The following COL11A1 variants were observed in gnomAD, a reference collection of about 807,000 sequenced individuals.
COL11A1 encodes collagen type XI alpha 1 chain, also known as collagen alpha-1(XI) chain.
In COL11A1, 74 loss-of-function variants were observed where a neutral mutation model predicts 265.2. That is an observed-to-expected ratio of 0.28 (90% CI 0.23 to 0.34). COL11A1 has a LOEUF of 0.34. COL11A1 is among the 10% of genes least tolerant of loss of function. COL11A1 has a pLI of 1.00. For missense variants in COL11A1, 2,165 were observed against 2,263.6 expected (o/e 0.96, Z 0.88); for synonymous variants, 816 against 727.6 (o/e 1.12, Z -1.96).
intron 4 of COL11A1, among the ~76,000 whole-genome samples, chr1:103,033,201 T>G (rs1449420159): frequency 6.6e-6 from 1 of 152,104 alleles, no homozygotes; most frequent in African/African-American, 2.4e-5. Flanking sequence ...AACATTCCCT[T>G]TTATGGACAT....
At chr1:103,038,646 G>A (rs981535958) in intron 4 of COL11A1, among the ~76,000 whole-genome samples, 1 of 152,106 alleles carries the variant, frequency 6.6e-6, no homozygotes, top group Non-Finnish European at 1.5e-5. Flanking sequence ...GATGTCATTT[G>A]AGTGTCATTT....
chr1:102,883,184 C>G lies in COL11A1; in HGVS notation c.4971+15G>C, dbSNP rs1285504428. ...GAACTGTCAACATTCACCACCAAAA[C>G]AGATTGGTACTTACTCCCTCAGATT... On this transcript the variant is annotated intron_variant, in intron 64 of 66. Transcript: ENST00000370096. 1 of 1,535,042 alleles carries G rather than the reference C, an allele frequency of 6.5e-7. No homozygotes were observed. The highest frequency in any genetic ancestry group is 9.0e-7 in the Non-Finnish European group (1 of 1,108,352).
At chr1:102,971,760 T>G (rs1189583598) in intron 36 of COL11A1, among the ~76,000 whole-genome samples, 1 of 152,120 alleles carries the variant, frequency 6.6e-6, no homozygotes, top group Non-Finnish European at 1.5e-5. Context: ...CTGGGTGCCC[T>G]GTAAATTAAC....
chr1:103,002,629 G>A (rs1014253930), intron 22 of COL11A1, 118 bp downstream of exon 22: 18 of 1,112,768 alleles, frequency 1.6e-5, no homozygotes, highest in Non-Finnish European at 1.9e-5. Flanking sequence ...AATGCAAGCT[G>A]TATCTAATAT....
Position 102,961,792 on chromosome 1 carries a change from AG to A in COL11A1, c.3168+73del, listed in dbSNP as rs1167004134. ...TCTCTCCCACACACTGTGGAATCAC[AG>A]CATGAGAGTAATGAAAGAAGAGCTG... On this transcript the variant is annotated intron_variant, in intron 41 of 66. Coordinates refer to ENST00000370096, the MANE Select transcript of COL11A1 (RefSeq NM_001854.4). The A allele has an allele frequency of 6.6e-6, 9 of 1,354,852 alleles. No homozygotes were observed. The African/African-American group carries it at 7.1e-5, about 11-fold the overall frequency. 83.9% of individuals were successfully genotyped at this position (1,354,852 alleles called of 1,614,324 possible).
intron 49 of COL11A1, 31 bp downstream of exon 49, chr1:102,920,279 TG>T (rs1356698438): frequency 1.3e-6 from 2 of 1,589,408 alleles, no homozygotes; most frequent in Admixed American, 3.3e-5. Flanking sequence ...TAATTCATGC[TG>T]TTTCAAACTG....
At chr1:102,964,008 T>C (rs1661166199) in intron 38 of COL11A1, among the ~76,000 whole-genome samples, 1 of 152,188 alleles carries the variant, frequency 6.6e-6, no homozygotes, top group Non-Finnish European at 1.5e-5. Context: ...TGGTTTTTTT[T>C]CTCTTAAAAA....
chr1:102,938,810 A>T (rs1398452069), intron 44 of COL11A1, among the ~76,000 whole-genome samples: 1 of 152,172 alleles, frequency 6.6e-6, no homozygotes, highest in Non-Finnish European at 1.5e-5. Flanking sequence ...GCTATAGCAG[A>T]GTTATAAATA....
chr1:102,990,851 G>A (rs1186541838), intron 28 of COL11A1, among the ~76,000 whole-genome samples: 1 of 151,934 alleles, frequency 6.6e-6, no homozygotes, highest in Non-Finnish European at 1.5e-5. Context: ...TGGCCAACAT[G>A]GTGAAACCCT....
At chr1:102,946,283 T>A (rs1321367487) in intron 42 of COL11A1, among the ~76,000 whole-genome samples, 4 of 150,908 alleles carry the variant, frequency 2.7e-5, no homozygotes, top group African/African-American at 9.8e-5. Flanking sequence ...CATATGTAAC[T>A]AACCTGCACA....
intron 46 of COL11A1, among the ~76,000 whole-genome samples, chr1:102,927,869 T>C (rs1557831528): frequency 6.6e-6 from 1 of 152,182 alleles, no homozygotes; most frequent in African/African-American, 2.4e-5. Flanking sequence ...TTGTTTAACA[T>C]GTGCTGTTGG....
intron 14 of COL11A1, among the ~76,000 whole-genome samples, chr1:103,010,989 C>T (rs1034705482): frequency 2.0e-5 from 3 of 152,084 alleles, no homozygotes; most frequent in Admixed American, 6.5e-5. Flanking sequence ...TGCGAGCCAC[C>T]GCGCCCAGCC....
chr1:103,006,163 T>G (rs182633550), intron 16 of COL11A1, 42 bp from the exon 17 acceptor site: 1 of 978,296 alleles, frequency 1.0e-6, no homozygotes, highest in Admixed American at 2.1e-5. Flanking sequence ...TGACTTTTAT[T>G]ACTAGCAAGG....
rs557151271 is a variant in COL11A1 at position 102,944,331 on chromosome 1, C to T, written c.3276+2518G>A. On this transcript the variant is annotated intron_variant, in intron 42 of 66. Coordinates refer to ENST00000370096, the MANE Select transcript of COL11A1 (RefSeq NM_001854.4). Reference sequence around the variant, plus strand: ...TCTATAACTCCTTTCACTGAACACTCTTATTACCCACTTTATGTTACTGTC... The same window carrying T: ...TCTATAACTCCTTTCACTGAACACTTTTATTACCCACTTTATGTTACTGTC... Among the ~76,000 whole-genome samples, 17 of 152,254 alleles carry T rather than the reference C, an allele frequency of 1.1e-4. No individual in the cohort carries two copies. The South Asian group carries it at 3.5e-3, about 32-fold the overall frequency.
chr1:103,096,056 G>T (rs1242579205), intron 1 of COL11A1, among the ~76,000 whole-genome samples: 1 of 151,960 alleles, frequency 6.6e-6, no homozygotes, highest in Non-Finnish European at 1.5e-5. Flanking sequence ...AAAACCATTG[G>T]AAGGTTAGGG....
chr1:103,048,087 G>T (rs1002491189), intron 4 of COL11A1, among the ~76,000 whole-genome samples: 1 of 152,166 alleles, frequency 6.6e-6, no homozygotes, highest in African/African-American at 2.4e-5. Flanking sequence ...GTCTCTGCCA[G>T]GCTTTGGTAT....
rs976368481 is a variant in COL11A1 at position 102,962,671 on chromosome 1, T to C, written c.3006A>G (p.Ala1002=). The change falls in exon 39 of 67, where the codon GCA becomes GCG. Residue 1002 remains alanine, a synonymous_variant. Coordinates refer to ENST00000370096, the MANE Select transcript of COL11A1 (RefSeq NM_001854.4). Reference sequence around the variant, plus strand: ...GTTGTACCTTTGCACCTTCTTTTCCTGCAGCACCAGGAAGACCTTGCTCAC... The same window carrying C: ...GTTGTACCTTTGCACCTTCTTTTCCCGCAGCACCAGGAAGACCTTGCTCAC... The part of the protein sequence containing the change: ...PPGEQGLPGA[A]GKEGAKGDPG... The C allele has an allele frequency of 6.2e-7, 1 of 1,614,112 alleles. No individual in the cohort carries two copies.
At chr1:102,961,069 G>C (rs1660859959) in intron 41 of COL11A1, among the ~76,000 whole-genome samples, 1 of 152,118 alleles carries the variant, frequency 6.6e-6, no homozygotes, top group South Asian at 2.1e-4. Flanking sequence ...TGTGTGAAAG[G>C]AAGTTGAGAG....
chr1:102,975,295 T>C (rs1360651538), intron 35 of COL11A1, among the ~76,000 whole-genome samples: 1 of 150,154 alleles, frequency 6.7e-6, no homozygotes. Flanking sequence ...GTTTTAAAAC[T>C]TATTCTATCT....
Sources: allele counts gnomAD v4.1 joint callset (sites outside exome capture counted in the v4.1 genomes callset), GRCh38; gene constraint gnomAD v4.1.1; transcripts MANE v1.5; gene names NCBI Gene and HGNC (gene_info 2026-07-23, HGNC 2026-07-21).